The following LINGO2 variants were observed in gnomAD, a reference collection of about 807,000 sequenced individuals.
LINGO2 encodes leucine-rich repeat and immunoglobulin-like domain-containing nogo receptor-interacting protein 2.
A neutral mutation model predicts 30.6 loss-of-function variants in LINGO2; 14 were observed. That is an observed-to-expected ratio of 0.46 (90% CI 0.30 to 0.72). The LOEUF (loss-of-function observed/expected upper bound fraction) is 0.72, where lower values mean the gene tolerates loss of function less well. Ranked by LOEUF, LINGO2 falls within the 30% of genes least tolerant of loss-of-function variation. The pLI, the probability that LINGO2 is intolerant of heterozygous loss-of-function variation, is 0.07. For synonymous variants in LINGO2, 317 were observed against 288.5 expected (o/e 1.10, Z -1.00); for missense variants, 729 against 751.7 (o/e 0.97, Z 0.35).
At chr9:28,709,203 C>T in the LINGO2 span, among the ~76,000 whole-genome samples, 1 of 151,998 alleles carries the variant, frequency 6.6e-6, no homozygotes, top group Non-Finnish European at 1.5e-5. Context: ...TGCCCTATCT[C>T]TATTATTTCT....
the LINGO2 span, among the ~76,000 whole-genome samples, chr9:29,000,451 C>G: frequency 6.6e-6 from 1 of 151,680 alleles, no homozygotes; most frequent in Non-Finnish European, 1.5e-5. Context: ...TTTAAAATAT[C>G]TTTTTGAAAT....
At chr9:28,754,764 G>A in the LINGO2 span, among the ~76,000 whole-genome samples, 1 of 151,472 alleles carries the variant, frequency 6.6e-6, no homozygotes, top group Admixed American at 6.6e-5. Flanking sequence ...CAGAGTAGAT[G>A]GGACTACAGG....
chr9:28,389,099 G>C (rs1436554965), intron 2 of LINGO2, among the ~76,000 whole-genome samples: 1 of 152,070 alleles, frequency 6.6e-6, no homozygotes, highest in East Asian at 1.9e-4. Flanking sequence ...TGTAGCTACA[G>C]CCCTTTATGT....
At chr9:28,614,453 G>A (rs893118553) in intron 1 of LINGO2, among the ~76,000 whole-genome samples, 18 of 152,014 alleles carry the variant, frequency 1.2e-4, no homozygotes, top group Non-Finnish European at 2.4e-4. Context: ...CAAAGTGTAG[G>A]TAAGTTTCTT....
intron 4 of LINGO2, among the ~76,000 whole-genome samples, chr9:28,167,468 C>A (rs747141085): frequency 1.3e-4 from 20 of 152,214 alleles, no homozygotes; most frequent in Non-Finnish European, 2.6e-4. Context: ...GCAACCTCCA[C>A]CTCCAGGATT....
intron 1 of LINGO2, among the ~76,000 whole-genome samples, chr9:28,532,723 G>C (rs1004970197): frequency 6.6e-6 from 1 of 152,048 alleles, no homozygotes; most frequent in Admixed American, 6.6e-5. Context: ...AGCCCAGCCC[G>C]CGTTGAAAGG....
chr9:28,872,075 A>T, the LINGO2 span, among the ~76,000 whole-genome samples: 3 of 152,026 alleles, frequency 2.0e-5, no homozygotes, highest in Non-Finnish European at 4.4e-5. Context: ...AATCATCATA[A>T]TTTTATGCCT....
At chr9:29,050,233 C>T in the LINGO2 span, among the ~76,000 whole-genome samples, 17 of 152,220 alleles carry the variant, frequency 1.1e-4, no homozygotes, top group South Asian at 2.3e-3. Flanking sequence ...ACCATGTTGG[C>T]CAGCTGGTCT....
the LINGO2 span, among the ~76,000 whole-genome samples, chr9:28,797,929 G>A: frequency 6.6e-6 from 1 of 152,022 alleles, no homozygotes; most frequent in Non-Finnish European, 1.5e-5. Context: ...CATGAGGCAG[G>A]AGAAAAACCA....
At chr9:28,550,919 A>G (rs573421697) in intron 1 of LINGO2, among the ~76,000 whole-genome samples, 141 of 152,010 alleles carry the variant, frequency 9.3e-4, no homozygotes, top group African/African-American at 3.2e-3. Context: ...AAATATGTAC[A>G]AAAGAATGAT....
At chr9:28,422,041 T>C (rs1296166994) in intron 2 of LINGO2, among the ~76,000 whole-genome samples, 1 of 151,940 alleles carries the variant, frequency 6.6e-6, no homozygotes, top group African/African-American at 2.4e-5. Flanking sequence ...ACATAAGAGC[T>C]GAAACTATAA....
At chr9:29,048,950 C>T in the LINGO2 span, among the ~76,000 whole-genome samples, 1 of 152,056 alleles carries the variant, frequency 6.6e-6, no homozygotes, top group Non-Finnish European at 1.5e-5. Context: ...GCAACCAAAG[C>T]AAACATGGAC....
intron 1 of LINGO2, among the ~76,000 whole-genome samples, chr9:28,543,197 G>A (rs2135470113): frequency 6.6e-6 from 1 of 152,198 alleles, no homozygotes; most frequent in South Asian, 2.1e-4. Context: ...GATTTAACAA[G>A]CCTCTGACTT....
At chr9:28,444,206 G>A (rs75232850) in intron 2 of LINGO2, among the ~76,000 whole-genome samples, 1,618 of 152,304 alleles carry the variant, frequency 0.011, 36 homozygotes, top group African/African-American at 0.037. Flanking sequence ...GAAAGAAGCT[G>A]TAACATGTTC....
the LINGO2 span, among the ~76,000 whole-genome samples, chr9:29,070,232 G>A: frequency 6.6e-6 from 1 of 151,998 alleles, no homozygotes; most frequent in South Asian, 2.1e-4. Flanking sequence ...ACAAATTGTG[G>A]CAAGAGAGAA....
chr9:28,021,671 T>A (rs1380684998), intron 4 of LINGO2, among the ~76,000 whole-genome samples: 1 of 152,146 alleles, frequency 6.6e-6, no homozygotes, highest in Non-Finnish European at 1.5e-5. Flanking sequence ...TGATGCTTTG[T>A]GGTTAGGTAC....
At chr9:28,206,709 T>C (rs528429855) in intron 4 of LINGO2, among the ~76,000 whole-genome samples, 3 of 152,280 alleles carry the variant, frequency 2.0e-5, no homozygotes, top group Non-Finnish European at 2.9e-5. Flanking sequence ...TTTTCATAAA[T>C]TTGAAAAGAC....
the LINGO2 span, among the ~76,000 whole-genome samples, chr9:29,113,794 G>A: frequency 1.3e-5 from 2 of 152,174 alleles, no homozygotes; most frequent in Admixed American, 1.3e-4. Flanking sequence ...TAGTTCCCAA[G>A]CAGTGGTAGT....
At chr9:28,999,002 G>A in the LINGO2 span, among the ~76,000 whole-genome samples, 3 of 152,228 alleles carry the variant, frequency 2.0e-5, no homozygotes, top group Admixed American at 2.0e-4. Flanking sequence ...AGCAAACCAT[G>A]AGTCAGGCAC....
Sources: gnomAD v4.1 joint callset for allele counts (sites outside exome capture counted in the v4.1 genomes callset) on GRCh38, gnomAD v4.1.1 for gene constraint, MANE v1.5 for transcripts, NCBI Gene and HGNC (gene_info 2026-07-23, HGNC 2026-07-21) for gene names.